The following ZC3H3 variants were observed in gnomAD, a reference collection of about 807,000 sequenced individuals.
ZC3H3 encodes the protein zinc finger CCCH-type containing 3.
In ZC3H3, 36 loss-of-function variants were observed where a neutral mutation model predicts 77.3. The ratio of observed to expected loss-of-function variants is 0.47; its 90% CI spans 0.36 to 0.61. ZC3H3 has a LOEUF of 0.61. ZC3H3 is among the 20% of genes least tolerant of loss of function. The pLI is 0.00. For missense variants in ZC3H3, 1,331 were observed against 1,312.2 expected, an observed-to-expected ratio of 1.01 and a Z score of -0.22; for synonymous variants, 626 against 555.2, an observed-to-expected ratio of 1.13 and a Z score of -1.79.
chr8:143,478,165 G>A lies in ZC3H3; in HGVS notation c.1716-2580C>T, dbSNP rs527455681. The stretch of plus-strand genomic sequence containing the variant: ...GCCAGGACTCCCTGAGGAGATGGTT[G>A]GGAGGGAGGCCCAGAACCCAGGTGT... On this transcript the variant is annotated intron_variant, in intron 4 of 11. Transcript: ENST00000262577. Among the ~76,000 whole-genome samples, 6 of 152,334 alleles carry A rather than the reference G, an allele frequency of 3.9e-5. No individual in the cohort carries two copies. In the South Asian group the frequency reaches 1.0e-3, roughly 26 times the overall value.
At chr8:143,513,490 C>T (rs757490046) in intron 3 of ZC3H3, among the ~76,000 whole-genome samples, 10 of 152,208 alleles carry the variant, frequency 6.6e-5, no homozygotes, top group Non-Finnish European at 1.3e-4. Flanking sequence ...CAAGGAGTCC[C>T]GTCAGGCAGC....
At position 143,522,424 on chromosome 8, in the gene ZC3H3, G is replaced by A. The variant is rs547834755; in HGVS notation, c.1561+13833C>T. On this transcript the variant is annotated intron_variant, in intron 3 of 11. Coordinates refer to ENST00000262577, the MANE Select transcript of ZC3H3 (RefSeq NM_015117.3). ...TCGAGACGAGCTTGGCCAACATGGT[G>A]AAACCCCATCTCTACCAAAAACATA... Among the ~76,000 whole-genome samples, 56 of 152,234 alleles carry A rather than the reference G, an allele frequency of 3.7e-4. 1 individual carries two copies. Among genetic ancestry groups the A allele is most frequent in the Non-Finnish European group, 6.9e-4 (47 of 68,004 alleles).
At chr8:143,483,242 G>A (rs571497556) in intron 4 of ZC3H3, among the ~76,000 whole-genome samples, 10 of 152,250 alleles carry the variant, frequency 6.6e-5, no homozygotes, top group East Asian at 1.9e-4. Context: ...CACTGGAAAC[G>A]CTGACACCCC....
At chr8:143,498,424 G>A (rs1413538864) in intron 4 of ZC3H3, among the ~76,000 whole-genome samples, 1 of 152,182 alleles carries the variant, frequency 6.6e-6, no homozygotes, top group Non-Finnish European at 1.5e-5. Context: ...CAGCCTCTGA[G>A]TGTGGCCCGC....
intron 4 of ZC3H3, among the ~76,000 whole-genome samples, chr8:143,479,917 GCC>G (rs1298985839): frequency 2.6e-5 from 4 of 152,226 alleles, no homozygotes; most frequent in African/African-American, 9.6e-5. Flanking sequence ...GTGCAGTACT[GCC>G]TTAGGAGTAG....
intron 4 of ZC3H3, among the ~76,000 whole-genome samples, chr8:143,503,648 T>G (rs957812619): frequency 2.1e-4 from 7 of 32,870 alleles, no homozygotes; most frequent in African/African-American, 7.3e-4. Flanking sequence ...CACCCAACTG[T>G]CTCCACCACC....
chr8:143,533,895 T>G lies in ZC3H3; in HGVS notation c.1561+2362A>C, dbSNP rs1822703137. ...TTTGCCATGTTGCCAAGGCTGGTCT[T>G]GAACTCCTGACCTCAGGTGATCCAC... On this transcript the variant is annotated intron_variant, in intron 3 of 11. Transcript: ENST00000262577. The surrounding 1 kb of genome is among the most constrained non-coding windows in gnomAD (Gnocchi z 4.0). Among the ~76,000 whole-genome samples the G allele has an allele frequency of 1.3e-5, 2 of 152,030 alleles. No individual in the cohort carries two copies. The highest frequency in any genetic ancestry group is 4.8e-5 in the African/African-American group (2 of 41,444).
intron 4 of ZC3H3, among the ~76,000 whole-genome samples, chr8:143,491,811 A>G (rs1251346554): frequency 6.6e-6 from 1 of 152,192 alleles, no homozygotes; most frequent in African/African-American, 2.4e-5. Flanking sequence ...GAAGGAGCAG[A>G]ACAGGGCATG....
At chr8:143,532,695 C>G (rs1822655699) in intron 3 of ZC3H3, among the ~76,000 whole-genome samples, 1 of 152,246 alleles carries the variant, frequency 6.6e-6, no homozygotes, top group South Asian at 2.1e-4. Flanking sequence ...CCCAGAAGCC[C>G]ACTGGCCAAG....
chr8:143,538,797 C>T lies in ZC3H3; in HGVS notation c.570G>A (p.Leu190=). 2 of 1,612,388 alleles carry T rather than the reference C, an allele frequency of 1.2e-6. No homozygotes were observed. Among genetic ancestry groups the T allele is most frequent in the African/African-American group, 1.3e-5 (1 of 75,050 alleles). ...GCTTACCAGGCTCCTTCTGGCAGAC[C>T]AGAAGAGGATCTTCCACACTGCAGG... ...RGTCSVEDPL[L]VCQKEPGKPR... is the part of the protein sequence containing the mutation. The change falls in exon 2 of 12, where the codon CTG becomes CTA. Residue 190 remains leucine, a synonymous_variant. Coordinates refer to ENST00000262577, the MANE Select transcript of ZC3H3 (RefSeq NM_015117.3).
chr8:143,440,125 A>C lies in ZC3H3; in HGVS notation c.2731T>G (p.Ser911Ala). The C allele has an allele frequency of 1.2e-6, 2 of 1,611,086 alleles. No homozygotes were observed. Among genetic ancestry groups the C allele is most frequent in the Non-Finnish European group, 1.7e-6 (2 of 1,179,522 alleles). ...GGCGAGGACTGCAGGGAGATGAAGG[A>C]AGGCAGCTTGCAGAGCCTGTTGGAG... ...ACSNRLCKLP[S>A]FISLQSSPSP... Residue 911 changes from serine (S) to alanine (A), a missense_variant, in exon 11 of 12, where the codon TCC becomes GCC. Coordinates refer to ENST00000262577, the MANE Select transcript of ZC3H3 (RefSeq NM_015117.3).
intron 4 of ZC3H3, among the ~76,000 whole-genome samples, chr8:143,478,962 C>A (rs952146284): frequency 1.3e-5 from 2 of 152,208 alleles, no homozygotes; most frequent in Admixed American, 1.3e-4. Flanking sequence ...CTGAGCCGTC[C>A]CGGGATCTGC....
chr8:143,488,634 G>A (rs1395308769), intron 4 of ZC3H3, among the ~76,000 whole-genome samples: 1 of 152,274 alleles, frequency 6.6e-6, no homozygotes, highest in Admixed American at 6.5e-5. Flanking sequence ...GGGTAGACAT[G>A]AGTGGGAAGA....
chr8:143,523,851 G>A (rs540333363), intron 3 of ZC3H3, among the ~76,000 whole-genome samples: 85 of 152,362 alleles, frequency 5.6e-4, no homozygotes, highest in African/African-American at 2.0e-3. Context: ...GAGTCAGAGC[G>A]GGGCCGCAGG....
At chr8:143,482,064 C>T (rs569521358) in intron 4 of ZC3H3, among the ~76,000 whole-genome samples, 2 of 152,382 alleles carry the variant, frequency 1.3e-5, no homozygotes, top group African/African-American at 4.8e-5. Flanking sequence ...TGGGTCCCCT[C>T]GTTCTCAAGA....
intron 8 of ZC3H3, among the ~76,000 whole-genome samples, chr8:143,466,474 G>A (rs1171426516): frequency 1.3e-5 from 2 of 152,252 alleles, no homozygotes; most frequent in Non-Finnish European, 2.9e-5. Context: ...GCTGGCCACA[G>A]TCAGTGCTTG....
intron 9 of ZC3H3, among the ~76,000 whole-genome samples, chr8:143,463,330 G>A (rs771848431): frequency 3.3e-5 from 5 of 152,182 alleles, no homozygotes; most frequent in Admixed American, 6.5e-5. Flanking sequence ...AGGAGCGGCT[G>A]TCCCAGAGCC....
intron 9 of ZC3H3, among the ~76,000 whole-genome samples, chr8:143,442,408 G>A (rs1264115096): frequency 8.5e-6 from 1 of 117,950 alleles, no homozygotes; most frequent in Non-Finnish European, 1.8e-5. Context: ...GCCGGGGGGG[G>A]TGGGGGGGCG....
At chr8:143,455,109 T>A (rs1483380679) in intron 9 of ZC3H3, among the ~76,000 whole-genome samples, 3 of 150,824 alleles carry the variant, frequency 2.0e-5, no homozygotes, top group Non-Finnish European at 4.4e-5. Flanking sequence ...GGGTCAGGAG[T>A]TCGAGACCAC....
Sources: gnomAD v4.1 joint callset for allele counts (sites outside exome capture counted in the v4.1 genomes callset) on GRCh38, gnomAD v4.1.1 for gene constraint, Gnocchi (gnomAD v3.1) non-coding constraint, MANE v1.5 for transcripts, NCBI Gene and HGNC (gene_info 2026-07-23, HGNC 2026-07-21) for gene names.